Variants in NKAIN3 observed in about 807,000 individuals in gnomAD.
NKAIN3 encodes the protein sodium/potassium-transporting ATPase subunit beta-1-interacting protein 3.
A neutral mutation model predicts 30.2 loss-of-function variants in NKAIN3; 25 were observed. The ratio of observed to expected loss-of-function variants is 0.83; its 90% CI spans 0.60 to 1.16. NKAIN3 has a LOEUF of 1.16. NKAIN3 is among the 50% of genes most tolerant of loss of function. The pLI is 0.00. For missense variants in NKAIN3, 225 were observed against 254.1 expected, an observed-to-expected ratio of 0.89 and a Z score of 0.78; for synonymous variants, 91 against 89.6, an observed-to-expected ratio of 1.02 and a Z score of -0.09.
At chr8:62,896,482 C>T (rs1320644116) in intron 4 of NKAIN3, among the ~76,000 whole-genome samples, 1 of 152,110 alleles carries the variant, frequency 6.6e-6, no homozygotes, top group African/African-American at 2.4e-5. Context: ...AGTCCTGCCT[C>T]CCAGATCTCA....
chr8:62,579,669 T>C lies in NKAIN3; in HGVS notation c.185T>C (p.Ile62Thr). 6.7e-7 allele frequency: 1 copy of C among 1,490,514 alleles called. No individual in the cohort carries two copies. Among genetic ancestry groups the C allele is most frequent in the South Asian group, 1.5e-5 (1 of 67,750 alleles). 92.3% of individuals were successfully genotyped at this position (1,490,514 alleles called of 1,614,324 possible). A position where few individuals can be genotyped will look rare whatever the true frequency, so the allele number is the denominator to read the frequency against. Residue 62 changes from isoleucine to threonine, a missense_variant, in exon 2 of 7, where the codon ATA becomes ACA. By Grantham distance (89) the Ile-to-Thr change is moderately conservative. Transcript: ENST00000623646. ...ACCATTCAGTACAGACCTCGATACA[T>C]AATGGTGGTAAGTCTTATTTTTATC... ...FGTIQYRPRY[I>T]MVYTVWTALW...
intron 4 of NKAIN3, among the ~76,000 whole-genome samples, chr8:62,814,979 G>A (rs963027035): frequency 1.3e-5 from 2 of 151,834 alleles, no homozygotes; most frequent in Non-Finnish European, 2.9e-5. Flanking sequence ...TTGATAGACT[G>A]CTAGCAAGAC....
chr8:62,897,925 A>T (rs959414966), intron 4 of NKAIN3, among the ~76,000 whole-genome samples: 2 of 152,180 alleles, frequency 1.3e-5, no homozygotes, highest in Non-Finnish European at 2.9e-5. Flanking sequence ...AACTCTGAAC[A>T]TTCCAGCCAT....
At chr8:62,798,882 G>A (rs538099967) in intron 4 of NKAIN3, among the ~76,000 whole-genome samples, 2 of 152,254 alleles carry the variant, frequency 1.3e-5, no homozygotes, top group African/African-American at 4.8e-5. Flanking sequence ...GCTACCAGAG[G>A]CAGTGTCCTA....
intron 4 of NKAIN3, chr8:62,863,272 A>C: frequency 1.3e-6 from 2 of 1,556,066 alleles, no homozygotes; most frequent in Non-Finnish European, 1.7e-6. Context: ...TATTTTTCCT[A>C]TAGGTTTCTG....
At chr8:62,324,143 C>A (rs1168640130) in intron 1 of NKAIN3, among the ~76,000 whole-genome samples, 1 of 151,808 alleles carries the variant, frequency 6.6e-6, no homozygotes, top group East Asian at 1.9e-4. Flanking sequence ...ATAGACTCAA[C>A]AATTGTAATA....
intron 4 of NKAIN3, among the ~76,000 whole-genome samples, chr8:62,850,248 G>A (rs1419332817): frequency 3.3e-5 from 5 of 152,274 alleles, no homozygotes; most frequent in Admixed American, 6.5e-5. Context: ...CTGCATAAAT[G>A]TCTTATTTTG....
intron 3 of NKAIN3, among the ~76,000 whole-genome samples, chr8:62,700,114 G>A (rs1373656503): frequency 6.6e-6 from 1 of 152,066 alleles, no homozygotes; most frequent in African/African-American, 2.4e-5. Context: ...AATAGAGCAA[G>A]ACCCTGTCTC....
intron 4 of NKAIN3, among the ~76,000 whole-genome samples, chr8:62,894,534 G>C (rs1259624003): frequency 6.6e-6 from 1 of 152,112 alleles, no homozygotes; most frequent in African/African-American, 2.4e-5. Context: ...AAACTAGAGA[G>C]AAGGGAATGC....
chr8:62,679,837 C>T (rs1024458126), intron 3 of NKAIN3, among the ~76,000 whole-genome samples: 1 of 152,138 alleles, frequency 6.6e-6, no homozygotes, highest in African/African-American at 2.4e-5. Context: ...CTGGGGATTA[C>T]AATTCAACAT....
chr8:62,847,276 A>G (rs1233397375), intron 4 of NKAIN3, among the ~76,000 whole-genome samples: 2 of 152,060 alleles, frequency 1.3e-5, no homozygotes, highest in Non-Finnish European at 2.9e-5. Flanking sequence ...GTCTTCCACA[A>G]TGGTTGAACT....
At chr8:62,405,586 G>A (rs375977853) in intron 1 of NKAIN3, among the ~76,000 whole-genome samples, 202 of 152,288 alleles carry the variant, frequency 1.3e-3, no homozygotes, top group African/African-American at 4.6e-3. Context: ...TGCTCTCTCC[G>A]TGCCCTAAGC....
At chr8:62,336,411 G>A (rs566313210) in intron 1 of NKAIN3, among the ~76,000 whole-genome samples, 7 of 152,114 alleles carry the variant, frequency 4.6e-5, no homozygotes, top group African/African-American at 1.7e-4. Context: ...TACAGAAAAA[G>A]TATCACATAT....
intron 1 of NKAIN3, among the ~76,000 whole-genome samples, chr8:62,551,220 T>G (rs1462716245): frequency 6.6e-6 from 1 of 152,126 alleles, no homozygotes. Flanking sequence ...CCTAAGTAGA[T>G]AAGAGGGAAT....
At chr8:62,649,721 A>C (rs1032968487) in intron 3 of NKAIN3, among the ~76,000 whole-genome samples, 3 of 152,076 alleles carry the variant, frequency 2.0e-5, no homozygotes, top group African/African-American at 7.2e-5. Flanking sequence ...AGGGAGGAAA[A>C]TGAACTAAAT....
chr8:62,908,454 G>A (rs922542211), intron 4 of NKAIN3, among the ~76,000 whole-genome samples: 3 of 152,128 alleles, frequency 2.0e-5, no homozygotes, highest in Non-Finnish European at 4.4e-5. Context: ...GGGGCCAGGA[G>A]TGGAATGTTA....
chr8:62,595,121 A>T lies in NKAIN3; in HGVS notation c.273+5327A>T, dbSNP rs1402303909. 2.0e-5 allele frequency among the ~76,000 whole-genome samples: 3 copies of T among 151,952 alleles called. No individual in the cohort carries two copies. In the East Asian group the frequency reaches 5.8e-4, roughly 29 times the overall value. Reference sequence around the variant, plus strand: ...GAGAAAATTGACATACTGACTTTTTAAAAATTGGACTTAATGAAAAACATT... The same window carrying T: ...GAGAAAATTGACATACTGACTTTTTTAAAATTGGACTTAATGAAAAACATT... On this transcript the variant is annotated intron_variant, in intron 3 of 6. Transcript: ENST00000623646.
intron 5 of NKAIN3, among the ~76,000 whole-genome samples, chr8:62,927,183 C>A (rs749231876): frequency 6.6e-6 from 1 of 151,816 alleles, no homozygotes; most frequent in African/African-American, 2.4e-5. Context: ...TTCCTCACCC[C>A]CCTCCCACTC....
chr8:62,912,457 T>C (rs996108362), intron 4 of NKAIN3, among the ~76,000 whole-genome samples: 3 of 152,342 alleles, frequency 2.0e-5, no homozygotes, highest in Middle Eastern at 6.8e-3. Context: ...TTTTACTTTA[T>C]AAACCTTTTA....
Sources: allele counts gnomAD v4.1 joint callset (sites outside exome capture counted in the v4.1 genomes callset), GRCh38; gene constraint gnomAD v4.1.1; transcripts MANE v1.5; gene names NCBI Gene and HGNC (gene_info 2026-07-23, HGNC 2026-07-21).